TBX6: variants seen among roughly 807,000 people sequenced by gnomAD.
The protein encoded by TBX6 is T-box transcription factor 6, also known as T-box transcription factor TBX6.
TBX6 carries 29 observed loss-of-function variants against 42.3 expected under a neutral mutation model. That is an observed-to-expected ratio of 0.69 (90% CI 0.51 to 0.93). The LOEUF is 0.93. TBX6 is among the 40% of genes least tolerant of loss of function. The pLI is 0.00. For synonymous variants in TBX6, 249 were observed against 245.1 expected, an observed-to-expected ratio of 1.02 and a Z score of -0.15; for missense variants, 569 against 603.3, an observed-to-expected ratio of 0.94 and a Z score of 0.59.
At chr16:30,089,250 A>G in intron 3 of TBX6, 40 bp from the exon 4 acceptor site, 1 of 1,589,084 alleles carries the variant, frequency 6.3e-7, no homozygotes, top group South Asian at 1.1e-5. Flanking sequence ...GGAGCTACCC[A>G]CTGGCCAGGG....
intron 3 of TBX6, among the ~76,000 whole-genome samples, chr16:30,089,741 C>T (rs971538255): frequency 6.6e-6 from 1 of 151,922 alleles, no homozygotes; most frequent in East Asian, 1.9e-4. Flanking sequence ...ACCAGCCTGG[C>T]CAATATGGTG....
In TBX6 at chr16:30,088,313, C is replaced by T. The variant is rs973985005; in HGVS notation, c.839+232G>A. ...CTTGTCTGCTTGTCTACTCTCCCCA[C>T]TAGAAATCAGCTGCATGAGGGCCGG... On this transcript the variant is annotated intron_variant, in intron 6 of 8. Coordinates refer to ENST00000395224, the MANE Select transcript of TBX6 (RefSeq NM_004608.4). This position sits in a 1 kb window ranked among gnomAD's most constrained non-coding sequence, Gnocchi z 4.1. 5.0e-6 allele frequency: 3 copies of T among 598,776 alleles called. No individual in the cohort carries two copies. Among genetic ancestry groups the T allele is most frequent in the Non-Finnish European group, 8.9e-6 (3 of 336,866 alleles). The allele number at this position is 598,776 out of a possible 1,614,324, so 37.1% of individuals were successfully genotyped here.
Position 30,086,857 on chromosome 16 carries a change from G to A in TBX6, c.840-6C>T, listed in dbSNP as rs1437653572. 1.3e-6 allele frequency: 2 copies of A among 1,598,206 alleles called. No homozygotes were observed. The highest frequency in any genetic ancestry group is 4.5e-5 in the East Asian group (2 of 44,298). On this transcript the variant is annotated splice_polypyrimidine_tract_variant and splice_region_variant and intron_variant, in intron 6 of 8. Coordinates refer to ENST00000395224, the MANE Select transcript of TBX6 (RefSeq NM_004608.4). This position sits in a 1 kb window ranked among gnomAD's most constrained non-coding sequence, Gnocchi z 4.6. ...TCACACGGGCGTCTCGCTCCCTGGG[G>A]AACAGTGGTGGTGATGATGATGATG...
At position 30,086,256 on chromosome 16, in the gene TBX6, T is replaced by G; in HGVS notation, c.1280A>C (p.Tyr427Ser). 1 of 1,612,018 alleles carries G rather than the reference T, an allele frequency of 6.2e-7. No homozygotes were observed. Among genetic ancestry groups the G allele is most frequent in the Non-Finnish European group, 8.5e-7 (1 of 1,179,696 alleles). The change falls in exon 9 of 9, where the codon TAT (tyrosine) becomes TCT (serine). Residue 427 changes from tyrosine to serine, a missense_variant. This residue lies in a region of TBX6 where 245 missense variants were observed against 227.4 expected (regional missense o/e 1.08). Transcript: ENST00000395224. The surrounding 1 kb of genome is among the most constrained non-coding windows in gnomAD (Gnocchi z 4.6). Reference sequence around the variant, plus strand: ...CATGGGTTTGGAGCCCACATCCAGATAGCCCCCAGGCGCGGTGTATGGTAG... The same window carrying G: ...CATGGGTTTGGAGCCCACATCCAGAGAGCCCCCAGGCGCGGTGTATGGTAG... ...FPLPYTAPGG[Y>S]LDVGSKPMY is the part of the protein sequence containing the mutation.
In TBX6 at chr16:30,090,877, G is replaced by C; in HGVS notation, c.234C>G (p.Ala78=). 2 of 1,609,106 alleles carry C rather than the reference G, an allele frequency of 1.2e-6. No homozygotes were observed. The change falls in exon 3 of 9, where the codon GCC becomes GCG. Residue 78 remains alanine (A), a synonymous_variant. Transcript: ENST00000395224. ...AATGGAGGGCCTCTGGAGCTGATGG[G>C]GCCGGCTCAGTGCCCATGGCAGGGG... ...LLPPAMGTEP[A]PSAPEALHSL... is the part of the protein sequence containing the mutation.
Position 30,086,109 on chromosome 16 carries a change from C to T in TBX6, c.*116G>A. 4 of 998,018 alleles carry T rather than the reference C, an allele frequency of 4.0e-6. No homozygotes were observed. Among genetic ancestry groups the T allele is most frequent in the Non-Finnish European group, 5.6e-6 (4 of 711,738 alleles). 61.8% of individuals were successfully genotyped at this position (998,018 alleles called of 1,614,324 possible). On this transcript the variant is annotated 3_prime_UTR_variant, in exon 9 of 9. Coordinates refer to ENST00000395224, the MANE Select transcript of TBX6 (RefSeq NM_004608.4). This position sits in a 1 kb window ranked among gnomAD's most constrained non-coding sequence, Gnocchi z 4.6. Reference sequence around the variant, plus strand: ...GTGTGAAGTTGAGGGGGTGGGTGGGCAGGCCCAAGGCGGCCATTTGGTGTG... The same window carrying T: ...GTGTGAAGTTGAGGGGGTGGGTGGGTAGGCCCAAGGCGGCCATTTGGTGTG...
At position 30,088,378 on chromosome 16, in the gene TBX6, GAACT is replaced by G; in HGVS notation, c.839+163_839+166del. On this transcript the variant is annotated intron_variant, in intron 6 of 8. Transcript: ENST00000395224. The surrounding 1 kb of genome is among the most constrained non-coding windows in gnomAD (Gnocchi z 4.1). ...TTGTTTGTTTTATCTCCAGTGCCTG[GAACT>G]GTCCCTGGCACATAGCAGGTACTAT... is the stretch of plus-strand genomic sequence containing the variant. 5 of 972,862 alleles carry G rather than the reference GAACT, an allele frequency of 5.1e-6. No individual in the cohort carries two copies. The highest frequency in any genetic ancestry group is 2.1e-5 in the Admixed American group (1 of 48,344). 60.3% of individuals were successfully genotyped at this position (972,862 alleles called of 1,614,324 possible). A position where few individuals can be genotyped will look rare whatever the true frequency, so the allele number is the denominator to read the frequency against.
rs61738521 is a variant in TBX6 at position 30,088,762 on chromosome 16, C to G, written c.699G>C (p.Trp233Cys). The change falls in exon 5 of 9, where the codon TGG (tryptophan) becomes TGC (cysteine). Residue 233 changes from tryptophan to cysteine, a missense_variant. Around this residue, in one of 3 missense-constraint regions of TBX6, gnomAD observed 190 missense variants for 250.6 expected, o/e 0.76. Coordinates refer to ENST00000395224, the MANE Select transcript of TBX6 (RefSeq NM_004608.4). The surrounding 1 kb of genome is among the most constrained non-coding windows in gnomAD (Gnocchi z 4.1). The part of the protein sequence containing the change: ...VRAAQLCSQH[W>C]GGMASFRFPE... ...GGAAGCGGAAGGAGGCCATGCCCCC[C>G]CAGTGCTGGCTGCAGAGCTGGGCTG... is the stretch of plus-strand genomic sequence containing the variant. The G allele has an allele frequency of 6.7e-4, 1,077 of 1,614,046 alleles. 1 individual carries two copies. Among genetic ancestry groups the G allele is most frequent in the Non-Finnish European group, 8.2e-4 (970 of 1,179,952 alleles).
rs569457361 is a variant in TBX6 at position 30,086,408 on chromosome 16, G to C, written c.1128C>G (p.Ser376=). The C allele has an allele frequency of 6.5e-7, 1 of 1,543,726 alleles. No homozygotes were observed. Among genetic ancestry groups the C allele is most frequent in the Admixed American group, 2.4e-5 (1 of 41,606 alleles). ...CAGCCGAGTAGGGGGCTGAGCGCCCGGAGTCTGGAGCCTCCGGGAAGCTGG... is the reference window on the plus strand; with the variant it reads ...CAGCCGAGTAGGGGGCTGAGCGCCCCGAGTCTGGAGCCTCCGGGAAGCTGG... ...RSPSFPEAPD[S]GRSAPYSAAF... The change falls in exon 9 of 9, where the codon TCC becomes TCG. Residue 376 remains serine (S), a synonymous_variant. Transcript: ENST00000395224. The surrounding 1 kb of genome is among the most constrained non-coding windows in gnomAD (Gnocchi z 4.6).
In TBX6 at chr16:30,088,206, G is replaced by A. The variant is rs1187950876; in HGVS notation, c.839+339C>T. 5.7e-6 allele frequency: 2 copies of A among 349,646 alleles called. No individual in the cohort carries two copies. Among genetic ancestry groups the A allele is most frequent in the African/African-American group, 4.3e-5 (2 of 46,912 alleles). The allele number at this position is 349,646 out of a possible 1,614,324, so 21.7% of individuals were successfully genotyped here. On this transcript the variant is annotated intron_variant, in intron 6 of 8. Coordinates refer to ENST00000395224, the MANE Select transcript of TBX6 (RefSeq NM_004608.4). The surrounding 1 kb of genome is among the most constrained non-coding windows in gnomAD (Gnocchi z 4.1). ...GCCCGCCTCAGCCTCCCAGAGTGCTGGGATTACATGCGTGAGCCACCACAC... is the reference window on the plus strand; with the variant it reads ...GCCCGCCTCAGCCTCCCAGAGTGCTAGGATTACATGCGTGAGCCACCACAC...
rs769916788 is a variant in TBX6, at chr16:30,086,741, T to G, written c.913+37A>C. 3.7e-6 allele frequency: 6 copies of G among 1,613,424 alleles called. No homozygotes were observed. In the South Asian group the frequency reaches 6.6e-5, roughly 18 times the overall value. On this transcript the variant is annotated intron_variant, in intron 7 of 8. Transcript: ENST00000395224. This position sits in a 1 kb window ranked among gnomAD's most constrained non-coding sequence, Gnocchi z 4.6. ...GGTTGGGCTAGGGAGGATCCCTGTC[T>G]CAGGCCTGGCCCCATCGCCATCGGG...
At chr16:30,090,633 T>A (rs2072706540) in intron 3 of TBX6, 125 bp downstream of exon 3, 1 of 968,252 alleles carries the variant, frequency 1.0e-6, no homozygotes, top group Non-Finnish European at 1.5e-6. Context: ...CAGGCCATAG[T>A]CAGATTCTAG....
In TBX6 at chr16:30,086,626, G is replaced by A. The variant is rs199768549; in HGVS notation, c.983C>T (p.Pro328Leu). 8.7e-6 allele frequency: 14 copies of A among 1,600,346 alleles called. No homozygotes were observed. The highest frequency in any genetic ancestry group is 3.4e-4 in the Middle Eastern group (2 of 5,872). Residue 328 changes from proline to leucine, a missense_variant, in exon 8 of 9, where the codon CCA becomes CTA. Physicochemically the swap from Pro to Leu is moderately conservative, Grantham distance 98 (BLOSUM62 -3). Transcript: ENST00000395224. The surrounding 1 kb of genome is among the most constrained non-coding windows in gnomAD (Gnocchi z 4.6). The stretch of plus-strand genomic sequence containing the variant: ...GGCAGCGGTGGCTTCCCCGGGGGCT[G>A]GGGCCTGTTCTGGATCTGATTCACG... ...DIRESDPEQA[P>L]APGEATAAPA...
Position 30,088,829 on chromosome 16 carries a change from T to C in TBX6, c.632A>G (p.His211Arg), listed in dbSNP as rs141999074. 5.6e-6 allele frequency: 9 copies of C among 1,613,548 alleles called. No homozygotes were observed. Among genetic ancestry groups the C allele is most frequent in the African/African-American group, 1.3e-5 (1 of 74,824 alleles). The stretch of plus-strand genomic sequence containing the variant: ...GCGGGGTTGGTACTTGTGCATGGAG[T>C]GCAGGATCAGCTGGGAGGGAGGAAA... ...TLDPHGHLILHSMHKYQPRIH... is the reference protein window; with the variant it reads ...TLDPHGHLILRSMHKYQPRIH... The change falls in exon 5 of 9, where the codon CAC becomes CGC. Residue 211 changes from histidine to arginine, a missense_variant. Transcript: ENST00000395224. The surrounding 1 kb of genome is among the most constrained non-coding windows in gnomAD (Gnocchi z 4.1).
In TBX6 at chr16:30,088,768, C is replaced by T; in HGVS notation, c.693G>A (p.Gln231=). 1 of 1,614,072 alleles carries T rather than the reference C, an allele frequency of 6.2e-7. No homozygotes were observed. ...HLVRAAQLCS[Q]HWGGMASFRF... ...GGAAGGAGGCCATGCCCCCCCAGTG[C>T]TGGCTGCAGAGCTGGGCTGCCCGAA... Residue 231 remains glutamine (Q), a synonymous_variant, in exon 5 of 9, where the codon CAG becomes CAA. Transcript: ENST00000395224. The surrounding 1 kb of genome is among the most constrained non-coding windows in gnomAD (Gnocchi z 4.1).
At position 30,089,141 on chromosome 16, in the gene TBX6, C is replaced by T; in HGVS notation, c.423G>A (p.Leu141=). 4.3e-6 allele frequency: 7 copies of T among 1,614,118 alleles called. No individual in the cohort carries two copies. The highest frequency in any genetic ancestry group is 5.9e-6 in the Non-Finnish European group (7 of 1,180,030). Residue 141 remains leucine, a synonymous_variant, in exon 4 of 9, where the codon CTG becomes CTA. Coordinates refer to ENST00000395224, the MANE Select transcript of TBX6 (RefSeq NM_004608.4). ...LDPEARYLFL[L]DVIPVDGARY... ...GAGCCCCATCCACCGGAATCACATC[C>T]AGAAGAAACAAGTAGCGGGCCTCGG...
At position 30,086,395 on chromosome 16, in the gene TBX6, G is replaced by GGGC; in HGVS notation, c.1138_1140dup (p.Ala380dup). On this transcript the variant is annotated inframe_insertion, in exon 9 of 9. Coordinates refer to ENST00000395224, the MANE Select transcript of TBX6 (RefSeq NM_004608.4). The surrounding 1 kb of genome is among the most constrained non-coding windows in gnomAD (Gnocchi z 4.6). ...AGCTCCAGAAATGCAGCCGAGTAGG[G>GGGC]GGCTGAGCGCCCGGAGTCTGGAGCC... 1 of 1,559,870 alleles carries GGGC rather than the reference G, an allele frequency of 6.4e-7. No homozygotes were observed. Among genetic ancestry groups the GGGC allele is most frequent in the African/African-American group, 1.4e-5 (1 of 71,924 alleles).
Position 30,086,618 on chromosome 16 carries a change from CG to C in TBX6, c.990del (p.Glu332LysfsTer166). On this transcript the variant is annotated frameshift_variant, in exon 8 of 9. Transcript: ENST00000395224. LOFTEE classifies it high-confidence loss of function. This position sits in a 1 kb window ranked among gnomAD's most constrained non-coding sequence, Gnocchi z 4.6. ...GGTGCCGGGGCAGCGGTGGCTTCCC[CG>C]GGGGCTGGGGCCTGTTCTGGATCTG... ...RESDPEQAPAPGEATAAPAPL... is the reference protein window; with the variant it reads ...RESDPEQAPAXGEATAAPAPL... The C allele has an allele frequency of 6.3e-7, 1 of 1,593,482 alleles. No individual in the cohort carries two copies. The highest frequency in any genetic ancestry group is 1.1e-5 in the South Asian group (1 of 88,942).
At position 30,087,938 on chromosome 16, in the gene TBX6, CTT is replaced by C. The variant is rs71373223; in HGVS notation, c.839+605_839+606del. 6 of 50,988 alleles carry C rather than the reference CTT, an allele frequency of 1.2e-4. No individual in the cohort carries two copies. The South Asian group carries it at 2.2e-3, about 19-fold the overall frequency. 3.2% of individuals were successfully genotyped at this position (50,988 alleles called of 1,614,324 possible). ...TTTGAGACAGAGTTTTCTTTTCTTT[CTT>C]TTTTTTTTTTTTTTTGAGAGGAAGT... On this transcript the variant is annotated intron_variant, in intron 6 of 8. Coordinates refer to ENST00000395224, the MANE Select transcript of TBX6 (RefSeq NM_004608.4).
Sources: allele counts gnomAD v4.1 joint callset (sites outside exome capture counted in the v4.1 genomes callset), GRCh38; gene constraint gnomAD v4.1.1; regional missense constraint gnomAD v4.1.1; non-coding constraint Gnocchi (gnomAD v3.1); transcripts MANE v1.5; gene names NCBI Gene and HGNC (gene_info 2026-07-23, HGNC 2026-07-21).